Variants in KCNH7 observed in about 807,000 individuals in gnomAD.
KCNH7 encodes the protein voltage-gated inwardly rectifying potassium channel KCNH7.
In KCNH7, 49 loss-of-function variants were observed where a neutral mutation model predicts 120.8. The ratio of observed to expected loss-of-function variants is 0.41; its 90% CI spans 0.32 to 0.51. KCNH7 has a LOEUF of 0.51. Ranked by LOEUF, KCNH7 falls within the 20% of genes least tolerant of loss-of-function variation. The probability of loss-of-function intolerance (pLI) is 0.38; values close to 1 mark genes in which losing one functional copy is unlikely to be tolerated. For synonymous variants in KCNH7, 547 were observed against 516.1 expected, an observed-to-expected ratio of 1.06 and a Z score of -0.81; for missense variants, 1,097 against 1,446.6, an observed-to-expected ratio of 0.76 and a Z score of 3.92.
At chr2:162,445,690 T>C (rs1382006145) in intron 7 of KCNH7, among the ~76,000 whole-genome samples, 1 of 152,172 alleles carries the variant, frequency 6.6e-6, no homozygotes, top group African/African-American at 2.4e-5. Context: ...AGAGACATAC[T>C]TAATATTTGA....
intron 2 of KCNH7, among the ~76,000 whole-genome samples, chr2:162,553,293 C>G (rs964226473): frequency 6.6e-6 from 1 of 152,168 alleles, no homozygotes; most frequent in Non-Finnish European, 1.5e-5. Flanking sequence ...CAGGTCTCAA[C>G]CAGCCGTTAT....
intron 7 of KCNH7, among the ~76,000 whole-genome samples, chr2:162,443,027 A>T (rs957345335): frequency 1.3e-5 from 2 of 152,220 alleles, no homozygotes; most frequent in Non-Finnish European, 2.9e-5. Context: ...TTTATCCCAG[A>T]TATGGCTACT....
intron 6 of KCNH7, among the ~76,000 whole-genome samples, chr2:162,448,134 A>G (rs1688645866): frequency 6.6e-6 from 1 of 152,120 alleles, no homozygotes; most frequent in African/African-American, 2.4e-5. Context: ...TTGAAAGTCC[A>G]AGATACACAC....
rs571782855 is a variant in KCNH7, at chr2:162,838,427, G to C, written c.76+16C>G. 6.2e-6 allele frequency: 10 copies of C among 1,608,010 alleles called. No homozygotes were observed. In the East Asian group the frequency reaches 2.0e-4, roughly 32 times the overall value. On this transcript the variant is annotated intron_variant, in intron 1 of 15. Coordinates refer to ENST00000332142, the MANE Select transcript of KCNH7 (RefSeq NM_033272.4). Reference sequence around the variant, plus strand: ...GGCAGAAAGCGAGGGCGAGAGAAGAGAACAAACGAACTTACTTTGCCCTTC... The same window carrying C: ...GGCAGAAAGCGAGGGCGAGAGAAGACAACAAACGAACTTACTTTGCCCTTC...
At chr2:162,624,675 C>T (rs1213538002) in intron 2 of KCNH7, among the ~76,000 whole-genome samples, 1 of 152,062 alleles carries the variant, frequency 6.6e-6, no homozygotes, top group African/African-American at 2.4e-5. Flanking sequence ...ATTTTATGGG[C>T]TGCTATCATA....
At chr2:162,620,239 T>C (rs1482548987) in intron 2 of KCNH7, among the ~76,000 whole-genome samples, 2 of 150,956 alleles carry the variant, frequency 1.3e-5, no homozygotes, top group Non-Finnish European at 3.0e-5. Context: ...GGAAAATCTC[T>C]TAATATAGAG....
intron 6 of KCNH7, among the ~76,000 whole-genome samples, chr2:162,500,270 T>C (rs1690635228): frequency 1.4e-5 from 2 of 142,788 alleles, no homozygotes; most frequent in African/African-American, 2.7e-5. Flanking sequence ...ATGTATTATA[T>C]TCAGCACATA....
chr2:162,730,134 C>G (rs1318176458), intron 2 of KCNH7, among the ~76,000 whole-genome samples: 1 of 146,076 alleles, frequency 6.8e-6, no homozygotes, highest in Admixed American at 6.9e-5. Flanking sequence ...AATTAGAAAA[C>G]TAGAAGATGT....
intron 3 of KCNH7, among the ~76,000 whole-genome samples, chr2:162,520,882 T>A (rs190759953): frequency 3.9e-5 from 6 of 151,998 alleles, no homozygotes; most frequent in Non-Finnish European, 8.8e-5. Context: ...CAAAACTCTC[T>A]CCATCCTGCA....
intron 9 of KCNH7, among the ~76,000 whole-genome samples, chr2:162,420,114 C>T (rs540596060): frequency 2.3e-4 from 35 of 152,278 alleles, no homozygotes; most frequent in Non-Finnish European, 2.9e-4. Context: ...TGGTGGCTCT[C>T]ACCTGTAATC....
At chr2:162,794,552 T>C (rs1164012106) in intron 2 of KCNH7, among the ~76,000 whole-genome samples, 1 of 152,100 alleles carries the variant, frequency 6.6e-6, no homozygotes, top group Non-Finnish European at 1.5e-5. Context: ...TCTGCAAATA[T>C]TTAACAATCA....
At chr2:162,604,632 A>G (rs1694670453) in intron 2 of KCNH7, among the ~76,000 whole-genome samples, 1 of 152,014 alleles carries the variant, frequency 6.6e-6, no homozygotes, top group Non-Finnish European at 1.5e-5. Flanking sequence ...TCCTATCTTG[A>G]TGCAAGTGTC....
intron 2 of KCNH7, among the ~76,000 whole-genome samples, chr2:162,667,604 C>T (rs1372540957): frequency 6.6e-6 from 1 of 152,170 alleles, no homozygotes; most frequent in African/African-American, 2.4e-5. Flanking sequence ...GCTATTCCTT[C>T]TGTTTGGAAT....
chr2:162,562,533 A>G (rs1294699294), intron 2 of KCNH7, among the ~76,000 whole-genome samples: 2 of 152,124 alleles, frequency 1.3e-5, no homozygotes, highest in Non-Finnish European at 2.9e-5. Flanking sequence ...ATAAGAGAGT[A>G]GATATTCTTG....
chr2:162,536,527 C>T (rs1285002091), intron 3 of KCNH7, among the ~76,000 whole-genome samples: 1 of 151,972 alleles, frequency 6.6e-6, no homozygotes, highest in South Asian at 2.1e-4. Flanking sequence ...TTGACAGTAT[C>T]TGAAAAGATT....
chr2:162,703,233 A>G (rs1362210570), intron 2 of KCNH7, among the ~76,000 whole-genome samples: 1 of 152,126 alleles, frequency 6.6e-6, no homozygotes, highest in Non-Finnish European at 1.5e-5. Context: ...AGGGCCTACC[A>G]TTATTATCTC....
chr2:162,682,889 T>G (rs760131426), intron 2 of KCNH7, among the ~76,000 whole-genome samples: 6 of 151,742 alleles, frequency 4.0e-5, no homozygotes, highest in Non-Finnish European at 7.4e-5. Flanking sequence ...ACCCAGACAA[T>G]AAATGATTTC....
At chr2:162,418,409 AAAGT>A (rs1017862558) in intron 9 of KCNH7, among the ~76,000 whole-genome samples, 1 of 152,166 alleles carries the variant, frequency 6.6e-6, no homozygotes, top group Non-Finnish European at 1.5e-5. Context: ...TCATTAGAAA[AAAGT>A]AAGGGAGATG....
intron 2 of KCNH7, among the ~76,000 whole-genome samples, chr2:162,799,151 C>T (rs888308218): frequency 6.6e-6 from 1 of 151,920 alleles, no homozygotes; most frequent in African/African-American, 2.4e-5. Flanking sequence ...GTAGGCAAAG[C>T]TTTGCTTCCC....
Sources: gnomAD v4.1 joint callset for allele counts (sites outside exome capture counted in the v4.1 genomes callset) on GRCh38, gnomAD v4.1.1 for gene constraint, MANE v1.5 for transcripts, NCBI Gene and HGNC (gene_info 2026-07-23, HGNC 2026-07-21) for gene names.